CCDC73: variants seen among roughly 807,000 people sequenced by gnomAD.
The protein encoded by CCDC73 is coiled-coil domain-containing protein 73.
In CCDC73, 95 loss-of-function variants were observed where a neutral mutation model predicts 116.5. That is an observed-to-expected ratio of 0.82 (90% CI 0.69 to 0.97). CCDC73 has a LOEUF of 0.97. Among genes scored for constraint, CCDC73 ranks in the 50% least tolerant of loss-of-function variants. The probability of loss-of-function intolerance (pLI) is 0.00; values close to 1 mark genes in which losing one functional copy is unlikely to be tolerated. For missense variants in CCDC73, 1,066 were observed against 1,206.8 expected (o/e 0.88, Z 1.73); for synonymous variants, 398 against 401.3 (o/e 0.99, Z 0.10).
upstream of CCDC73, chr11:32,794,733 CA>C (rs1850708465): frequency 6.6e-6 from 1 of 152,230 alleles, no homozygotes; most frequent in Non-Finnish European, 1.5e-5. Flanking sequence ...GCATCTGGGG[CA>C]AAATATGATT....
intron 6 of CCDC73, among the ~76,000 whole-genome samples, chr11:32,690,647 C>T (rs1474545260): frequency 6.6e-6 from 1 of 152,138 alleles, no homozygotes; most frequent in East Asian, 1.9e-4. Context: ...GTCTCTGTCT[C>T]CTGCTCTGCC....
chr11:32,689,242 C>T (rs1009269445), intron 6 of CCDC73, among the ~76,000 whole-genome samples: 1 of 151,952 alleles, frequency 6.6e-6, no homozygotes, highest in African/African-American at 2.4e-5. Context: ...GTATGTACAT[C>T]CTAGATGATA....
chr11:32,662,401 A>C (rs1293262587), intron 9 of CCDC73, among the ~76,000 whole-genome samples: 1 of 152,044 alleles, frequency 6.6e-6, no homozygotes, highest in African/African-American at 2.4e-5. Context: ...ATGGTATCTC[A>C]TTGTGGTTTT....
intron 12 of CCDC73, among the ~76,000 whole-genome samples, chr11:32,642,302 AAG>A (rs1299003815): frequency 7.9e-5 from 12 of 152,124 alleles, no homozygotes; most frequent in Admixed American, 3.3e-4. Context: ...ATGGCTATAA[AAG>A]AGTATAAAAA....
chr11:32,765,293 C>A (rs1403543008), intron 1 of CCDC73, among the ~76,000 whole-genome samples: 1 of 152,214 alleles, frequency 6.6e-6, no homozygotes, highest in Non-Finnish European at 1.5e-5. Context: ...ACTCTCCACC[C>A]CAAATCGACA....
intron 9 of CCDC73, among the ~76,000 whole-genome samples, chr11:32,670,379 C>T (rs1486252907): frequency 3.3e-5 from 5 of 151,868 alleles, no homozygotes; most frequent in South Asian, 2.1e-4. Context: ...AAAATTAGCC[C>T]GGCGTGGTGG....
intron 7 of CCDC73, among the ~76,000 whole-genome samples, chr11:32,678,581 C>T (rs959712178): frequency 2.6e-5 from 4 of 151,926 alleles, no homozygotes; most frequent in Non-Finnish European, 5.9e-5. Flanking sequence ...TAAGCATGGC[C>T]TTTTAAAAAA....
At chr11:32,714,885 A>C (rs1226623195) in intron 3 of CCDC73, among the ~76,000 whole-genome samples, 2 of 152,166 alleles carry the variant, frequency 1.3e-5, no homozygotes, top group Non-Finnish European at 2.9e-5. Context: ...TATAAATCTT[A>C]GTGTCCATAA....
At chr11:32,616,191 A>C in intron 14 of CCDC73, 62 bp from the exon 15 acceptor site, 1 of 1,407,020 alleles carries the variant, frequency 7.1e-7, no homozygotes, top group Non-Finnish European at 9.5e-7. Flanking sequence ...ACATTTGAGC[A>C]AATGTGATAA....
chr11:32,658,705 T>C (rs1245791594), intron 9 of CCDC73, among the ~76,000 whole-genome samples: 1 of 152,148 alleles, frequency 6.6e-6, no homozygotes, highest in Non-Finnish European at 1.5e-5. Context: ...AAGAGGCTAT[T>C]ATATTAATCC....
chr11:32,772,434 T>C (rs1850499745), intron 1 of CCDC73, among the ~76,000 whole-genome samples: 1 of 152,074 alleles, frequency 6.6e-6, no homozygotes, highest in Non-Finnish European at 1.5e-5. Context: ...AGATCCTAGA[T>C]AGAAAAAACA....
intron 2 of CCDC73, among the ~76,000 whole-genome samples, chr11:32,731,876 C>G (rs762460440): frequency 4.6e-5 from 7 of 152,216 alleles, no homozygotes; most frequent in Non-Finnish European, 1.0e-4. Flanking sequence ...AGGAAAGCAG[C>G]TCCTCGCCAG....
chr11:32,825,067 A>G, the CCDC73 span, among the ~76,000 whole-genome samples: 1 of 152,224 alleles, frequency 6.6e-6, no homozygotes, highest in Non-Finnish European at 1.5e-5. Context: ...CCTGGGCAAT[A>G]GAGTGAGACC....
At chr11:32,661,387 G>C (rs1439978546) in intron 9 of CCDC73, among the ~76,000 whole-genome samples, 1 of 152,030 alleles carries the variant, frequency 6.6e-6, no homozygotes, top group Non-Finnish European at 1.5e-5. Context: ...TGCCATGGTG[G>C]TTTCCCGCAC....
rs1590545328 is a variant in CCDC73, at chr11:32,615,973, C to G, written c.1342G>C (p.Glu448Gln). The change falls in exon 15 of 18, where the codon GAA (glutamate) becomes CAA (glutamine). Residue 448 changes from glutamate to glutamine, a missense_variant. Glu to Gln is a conservative substitution (Grantham distance 29). Coordinates refer to ENST00000335185, the MANE Select transcript of CCDC73 (RefSeq NM_001008391.4). Reference protein sequence around the residue: ...TEYREKEEKKEGSFIEEIIID... With the variant: ...TEYREKEEKKQGSFIEEIIID... ...ATTATTTCCTCTATAAATGAGCCTT[C>G]TTTTTTTTCTTCTTTTTCTCTGTAT... 6.3e-7 allele frequency: 1 copy of G among 1,582,238 alleles called. No homozygotes were observed. Among genetic ancestry groups the G allele is most frequent in the African/African-American group, 1.4e-5 (1 of 73,606 alleles).
intron 2 of CCDC73, among the ~76,000 whole-genome samples, chr11:32,745,832 G>A (rs1424902208): frequency 4.0e-5 from 6 of 150,530 alleles, no homozygotes; most frequent in Middle Eastern, 3.2e-3. Flanking sequence ...TGCACGTGAG[G>A]TGGGTCTCTT....
Position 32,602,828 on chromosome 11 carries a change from T to C in CCDC73, c.3223A>G (p.Asn1075Asp). ...TATCTACATTATTTTAATCTGTTGTTTTTTTCCAACGTCTCTTCTGCTTTT... is the reference window on the plus strand; with the variant it reads ...TATCTACATTATTTTAATCTGTTGTCTTTTTCCAACGTCTCTTCTGCTTTT... Reference protein sequence around the residue: ...KRKAEETLEKNNRLK With the variant: ...KRKAEETLEKDNRLK Residue 1075 changes from asparagine (N) to aspartate (D), a missense_variant, in exon 18 of 18, where the codon AAC becomes GAC. By Grantham distance (23) the Asn-to-Asp change is conservative (BLOSUM62 1). Coordinates refer to ENST00000335185, the MANE Select transcript of CCDC73 (RefSeq NM_001008391.4). 6.3e-7 allele frequency: 1 copy of C among 1,596,730 alleles called. No individual in the cohort carries two copies. The highest frequency in any genetic ancestry group is 8.5e-7 in the Non-Finnish European group (1 of 1,171,942).
At chr11:32,732,753 G>A (rs1850090943) in intron 2 of CCDC73, among the ~76,000 whole-genome samples, 1 of 152,098 alleles carries the variant, frequency 6.6e-6, no homozygotes, top group East Asian at 1.9e-4. Flanking sequence ...TGCCTTACAA[G>A]AGCTCCTGAA....
intron 16 of CCDC73, among the ~76,000 whole-genome samples, chr11:32,613,209 A>G (rs1855438147): frequency 6.6e-6 from 1 of 152,182 alleles, no homozygotes; most frequent in Non-Finnish European, 1.5e-5. Flanking sequence ...AAGAGCATAT[A>G]GAAAGAAGAG....
Sources: gnomAD v4.1 joint callset for allele counts (sites outside exome capture counted in the v4.1 genomes callset) on GRCh38, gnomAD v4.1.1 for gene constraint, MANE v1.5 for transcripts, NCBI Gene and HGNC (gene_info 2026-07-23, HGNC 2026-07-21) for gene names.